GJB7: variants seen among roughly 807,000 people sequenced by gnomAD.
GJB7 encodes the protein gap junction beta-7 protein.
For synonymous variants in GJB7, 87 were observed against 95.2 expected, an observed-to-expected ratio of 0.91 and a Z score of 0.50; for missense variants, 253 against 256.8, an observed-to-expected ratio of 0.99 and a Z score of 0.10.
At chr6:87,329,049 G>T (rs1776921669) in intron 1 of GJB7, 89 bp downstream of exon 1, 1 of 152,870 alleles carries the variant, frequency 6.5e-6, no homozygotes, top group Non-Finnish European at 1.5e-5. Flanking sequence ...CTTTGACTAG[G>T]AGAGGGAACT....
rs1475071043 is a variant in GJB7 at position 87,327,901 on chromosome 6, G to A, written c.-206+1237C>T. On this transcript the variant is annotated intron_variant, in intron 1 of 2. Transcript: ENST00000525899. Reference sequence around the variant, plus strand: ...TCACTTTCAGGTACACCAATCAGACGTAGATTTGGTCTTTTCACATAGTCC... The same window carrying A: ...TCACTTTCAGGTACACCAATCAGACATAGATTTGGTCTTTTCACATAGTCC... Among the ~76,000 whole-genome samples the A allele has an allele frequency of 1.2e-4, 18 of 149,620 alleles. No individual in the cohort carries two copies. The East Asian group carries it at 2.9e-3, about 24-fold the overall frequency.
At chr6:87,307,614 C>CA (rs1220372020) in intron 2 of GJB7, among the ~76,000 whole-genome samples, 1 of 152,154 alleles carries the variant, frequency 6.6e-6, no homozygotes, top group Non-Finnish European at 1.5e-5. Context: ...AGCCAACAGA[C>CA]ACATGAAAAA....
intron 1 of GJB7, among the ~76,000 whole-genome samples, chr6:87,323,662 T>C (rs906105421): frequency 6.6e-6 from 1 of 152,106 alleles, no homozygotes; most frequent in Non-Finnish European, 1.5e-5. Context: ...ATTTTCTTAA[T>C]CCAGTCTATC....
At chr6:87,304,168 C>T (rs1328939531) in intron 2 of GJB7, among the ~76,000 whole-genome samples, 2 of 151,824 alleles carry the variant, frequency 1.3e-5, no homozygotes, top group Admixed American at 6.6e-5. Context: ...CAAGAAATAA[C>T]GAAGATCAGA....
chr6:87,317,531 G>C (rs1424531214), intron 2 of GJB7, among the ~76,000 whole-genome samples: 1 of 151,160 alleles, frequency 6.6e-6, no homozygotes, highest in Admixed American at 6.6e-5. Context: ...CCGGGTTCAA[G>C]CAATTCTCCT....
chr6:87,306,149 A>C (rs1382282373), intron 2 of GJB7, among the ~76,000 whole-genome samples: 1 of 152,076 alleles, frequency 6.6e-6, no homozygotes, highest in Non-Finnish European at 1.5e-5. Context: ...ACCAAAAGCA[A>C]TGGCAACAAA....
intron 1 of GJB7, among the ~76,000 whole-genome samples, chr6:87,327,604 G>T: frequency 6.6e-6 from 1 of 151,342 alleles, no homozygotes; most frequent in African/African-American, 2.4e-5. Flanking sequence ...CTGGCTTGTA[G>T]AGTTTCTGCC....
intron 2 of GJB7, among the ~76,000 whole-genome samples, chr6:87,296,717 T>A (rs1776252952): frequency 6.6e-6 from 1 of 152,094 alleles, no homozygotes; most frequent in Admixed American, 6.5e-5. Flanking sequence ...ACTATTACTC[T>A]TTTGTTCCTC....
intron 1 of GJB7, among the ~76,000 whole-genome samples, chr6:87,324,672 G>A (rs1002027161): frequency 2.0e-5 from 3 of 151,272 alleles, no homozygotes; most frequent in African/African-American, 7.3e-5. Flanking sequence ...GGTTACTGTA[G>A]CCTTGTAGTA....
intron 2 of GJB7, among the ~76,000 whole-genome samples, chr6:87,301,627 G>T (rs562019823): frequency 6.6e-6 from 1 of 152,322 alleles, no homozygotes; most frequent in African/African-American, 2.4e-5. Flanking sequence ...TGAACAAAAG[G>T]CAGCAGAAAC....
At chr6:87,326,420 C>G (rs1021893295) in intron 1 of GJB7, among the ~76,000 whole-genome samples, 2 of 152,088 alleles carry the variant, frequency 1.3e-5, no homozygotes, top group Non-Finnish European at 2.9e-5. Flanking sequence ...ATAAATTTCC[C>G]TCTACATGCT....
chr6:87,284,386 T>A lies in GJB7; in HGVS notation c.527A>T (p.Lys176Met), dbSNP rs775439757. 6.2e-7 allele frequency: 1 copy of A among 1,614,040 alleles called. No homozygotes were observed. The highest frequency in any genetic ancestry group is 1.3e-5 in the African/African-American group (1 of 74,924). Residue 176 changes from lysine (K) to methionine (M), a missense_variant, in exon 3 of 3, where the codon AAG becomes ATG. By Grantham distance (95) the Lys-to-Met change is moderately conservative. Transcript: ENST00000525899. ...VDCFISKPTE[K>M]TIFILFLVIT... is the part of the protein sequence containing the mutation. ...GACCAAGAAGAGGATGAAGATCGTC[T>A]TCTCAGTGGGTTTGGAGATGAAGCA...
intron 1 of GJB7, among the ~76,000 whole-genome samples, chr6:87,327,675 G>A (rs1179540151): frequency 6.7e-6 from 1 of 149,992 alleles, no homozygotes; most frequent in Non-Finnish European, 1.5e-5. Flanking sequence ...TTTCTCTCTG[G>A]CTGCCCTTAA....
intron 2 of GJB7, among the ~76,000 whole-genome samples, chr6:87,318,531 G>T (rs60796436): frequency 6.6e-6 from 1 of 152,270 alleles, no homozygotes; most frequent in East Asian, 1.9e-4. Flanking sequence ...GGATGACTTG[G>T]CTTTGCTCTG....
At chr6:87,298,911 A>G (rs1776282704) in intron 2 of GJB7, 1 of 422,368 alleles carries the variant, frequency 2.4e-6, no homozygotes. Context: ...ACTTTTTAGC[A>G]GATGCTGTAG....
intron 1 of GJB7, among the ~76,000 whole-genome samples, chr6:87,326,826 G>A (rs371902520): frequency 1.2e-4 from 14 of 119,870 alleles, no homozygotes; most frequent in African/African-American, 4.9e-4. Flanking sequence ...TATCCTTGTT[G>A]ACTTTCTGTC....
At chr6:87,300,067 C>T in intron 2 of GJB7, 1 of 328,526 alleles carries the variant, frequency 3.0e-6, no homozygotes, top group Non-Finnish European at 5.9e-6. Context: ...AGGCATTGCT[C>T]TGGGAGGGGG....
intron 2 of GJB7, among the ~76,000 whole-genome samples, chr6:87,308,037 T>C (rs1203161922): frequency 6.6e-6 from 1 of 152,226 alleles, no homozygotes; most frequent in Non-Finnish European, 1.5e-5. Context: ...TATGGAATAC[T>C]ATGTAGCCAT....
chr6:87,312,111 T>C (rs1343119830), intron 2 of GJB7, among the ~76,000 whole-genome samples: 1 of 152,106 alleles, frequency 6.6e-6, no homozygotes, highest in African/African-American at 2.4e-5. Flanking sequence ...GGATGTTGGT[T>C]ACCTGAGTAT....
Sources: gnomAD v4.1 joint callset for allele counts (sites outside exome capture counted in the v4.1 genomes callset) on GRCh38, gnomAD v4.1.1 for gene constraint, MANE v1.5 for transcripts, NCBI Gene and HGNC (gene_info 2026-07-23, HGNC 2026-07-21) for gene names.